Variants in SGCZ observed in about 807,000 individuals in gnomAD.
SGCZ encodes the protein zeta-sarcoglycan.
Under a neutral mutation model 41.3 loss-of-function variants are expected in SGCZ, and 40 were observed. The ratio of observed to expected loss-of-function variants is 0.97; its 90% CI spans 0.75 to 1.26. The LOEUF is 1.26. SGCZ is among the 50% of genes most tolerant of loss of function. The pLI is 0.00. For missense variants in SGCZ, 552 were observed against 369.8 expected, an observed-to-expected ratio of 1.49 and a Z score of -4.04; for synonymous variants, 206 against 137.5, an observed-to-expected ratio of 1.50 and a Z score of -3.49.
At chr8:15,153,794 G>T (rs1799248923) in intron 1 of SGCZ, among the ~76,000 whole-genome samples, 1 of 152,044 alleles carries the variant, frequency 6.6e-6, no homozygotes, top group Admixed American at 6.5e-5. Context: ...ATAGCCTGCA[G>T]GCCCATGAGT....
chr8:14,879,945 A>G (rs1471977782), intron 1 of SGCZ: 3 of 151,974 alleles, frequency 2.0e-5, no homozygotes, highest in Non-Finnish European at 4.4e-5. Context: ...GGTTCAAGCA[A>G]TTCTCCTGTC....
intron 1 of SGCZ, among the ~76,000 whole-genome samples, chr8:14,861,097 A>G (rs1169713200): frequency 2.6e-5 from 4 of 152,310 alleles, no homozygotes; most frequent in African/African-American, 9.6e-5. Flanking sequence ...GTAGATGCGT[A>G]CGAGGTGAAT....
At chr8:14,482,831 T>C (rs1334625079) in intron 2 of SGCZ, among the ~76,000 whole-genome samples, 1 of 151,898 alleles carries the variant, frequency 6.6e-6, no homozygotes, top group Non-Finnish European at 1.5e-5. Flanking sequence ...CTAGGCCTTA[T>C]ACCATTGTCA....
intron 1 of SGCZ, among the ~76,000 whole-genome samples, chr8:14,763,804 A>G (rs576263806): frequency 7.2e-5 from 11 of 152,344 alleles, no homozygotes; most frequent in African/African-American, 2.6e-4. Flanking sequence ...GAAGTCTTCA[A>G]CTATATTGAA....
chr8:15,180,034 T>TA (rs991775777), intron 1 of SGCZ, among the ~76,000 whole-genome samples: 2 of 152,022 alleles, frequency 1.3e-5, no homozygotes, highest in African/African-American at 4.8e-5. Context: ...CTATGTGTTA[T>TA]AAAAAAAATT....
In SGCZ at chr8:15,079,157, T is replaced by C. The variant is rs191801130; in HGVS notation, c.39+158428A>G. On this transcript the variant is annotated intron_variant, in intron 1 of 7. Coordinates refer to ENST00000382080, the MANE Select transcript of SGCZ (RefSeq NM_139167.4). ...ACTTTTACATTCTTTTTTGTAACTA[T>C]GATTCTCACACCTGTTTTAGTTTTT... 1.8e-3 allele frequency among the ~76,000 whole-genome samples: 278 copies of C among 152,324 alleles called. 2 individuals are homozygous for C. The highest frequency in any genetic ancestry group is 6.3e-3 in the African/African-American group (261 of 41,584).
chr8:14,768,104 A>C (rs1255803355), intron 1 of SGCZ, among the ~76,000 whole-genome samples: 1 of 152,228 alleles, frequency 6.6e-6, no homozygotes, highest in Non-Finnish European at 1.5e-5. Context: ...CCTAAAACCT[A>C]AAATGCCAAA....
At chr8:14,254,149 T>C (rs1183365399) in intron 3 of SGCZ, among the ~76,000 whole-genome samples, 6 of 152,180 alleles carry the variant, frequency 3.9e-5, no homozygotes, top group Admixed American at 2.0e-4. Flanking sequence ...TAAGCACTTA[T>C]CTCGTTGCTT....
intron 1 of SGCZ, among the ~76,000 whole-genome samples, chr8:14,874,913 G>A (rs1316808838): frequency 3.9e-5 from 6 of 152,130 alleles, no homozygotes; most frequent in Admixed American, 3.9e-4. Flanking sequence ...AAAGTCCCAA[G>A]TCAATTTATT....
chr8:14,142,220 G>A (rs530271005), intron 5 of SGCZ, among the ~76,000 whole-genome samples: 10 of 152,220 alleles, frequency 6.6e-5, no homozygotes, highest in Admixed American at 4.6e-4. Flanking sequence ...TAATGTAAAT[G>A]ACGAGTTAAG....
At chr8:14,194,069 G>A (rs1040443624) in intron 4 of SGCZ, among the ~76,000 whole-genome samples, 1 of 151,412 alleles carries the variant, frequency 6.6e-6, no homozygotes, top group African/African-American at 2.4e-5. Flanking sequence ...TATTTCTCAT[G>A]GAAATAAAGA....
chr8:14,615,057 T>C (rs757734147), intron 1 of SGCZ, among the ~76,000 whole-genome samples: 15 of 152,212 alleles, frequency 9.9e-5, no homozygotes, highest in Admixed American at 3.3e-4. Context: ...TAAAAGTGAA[T>C]TTTGTGAAAG....
intron 3 of SGCZ, among the ~76,000 whole-genome samples, chr8:14,280,329 T>C (rs17118928): frequency 0.24 from 36,829 of 151,674 alleles, 5,235 homozygotes; most frequent in South Asian, 0.45. Context: ...GTTAATGTCA[T>C]ATATATAACA....
At chr8:15,190,679 G>A (rs565585373) in intron 1 of SGCZ, among the ~76,000 whole-genome samples, 19 of 151,604 alleles carry the variant, frequency 1.3e-4, no homozygotes, top group Non-Finnish European at 2.2e-4. Flanking sequence ...TTAAAATTGT[G>A]TGGGGGGAGG....
chr8:14,859,380 T>C (rs954153822), intron 1 of SGCZ, among the ~76,000 whole-genome samples: 1 of 151,992 alleles, frequency 6.6e-6, no homozygotes, highest in Non-Finnish European at 1.5e-5. Context: ...TTTTGTACTG[T>C]CATTGAAGTG....
intron 1 of SGCZ, among the ~76,000 whole-genome samples, chr8:14,669,966 A>G (rs969578431): frequency 3.3e-5 from 5 of 152,200 alleles, no homozygotes; most frequent in African/African-American, 7.2e-5. Flanking sequence ...TTCTTCCTCT[A>G]ATTACTTATT....
At chr8:14,735,114 A>C (rs2130254533) in intron 1 of SGCZ, among the ~76,000 whole-genome samples, 1 of 152,280 alleles carries the variant, frequency 6.6e-6, no homozygotes, top group Non-Finnish European at 1.5e-5. Context: ...GTAGCACATA[A>C]AATTTTGATT....
intron 1 of SGCZ, among the ~76,000 whole-genome samples, chr8:15,160,700 C>T (rs967199314): frequency 1.3e-5 from 2 of 152,184 alleles, no homozygotes; most frequent in Non-Finnish European, 2.9e-5. Flanking sequence ...GCATATGAGA[C>T]TTAACATGTC....
At chr8:14,419,262 G>C (rs1799576796) in intron 2 of SGCZ, among the ~76,000 whole-genome samples, 2 of 151,948 alleles carry the variant, frequency 1.3e-5, no homozygotes, top group African/African-American at 4.8e-5. Flanking sequence ...TGGGTTATTA[G>C]ACCAGAAAAA....
Sources: allele counts gnomAD v4.1 joint callset (sites outside exome capture counted in the v4.1 genomes callset), GRCh38; gene constraint gnomAD v4.1.1; transcripts MANE v1.5; gene names NCBI Gene and HGNC (gene_info 2026-07-23, HGNC 2026-07-21).